DIS3L2: variants seen among roughly 807,000 people sequenced by gnomAD.
DIS3L2 encodes DIS3 like 3'-5' exoribonuclease 2.
Under a neutral mutation model 97.5 loss-of-function variants are expected in DIS3L2, and 34 were observed. That is an observed-to-expected ratio of 0.35 (90% CI 0.27 to 0.46). The LOEUF (loss-of-function observed/expected upper bound fraction) is 0.46. DIS3L2 is among the 20% of genes least tolerant of loss of function. The pLI is 1.00. For missense variants in DIS3L2, 1,038 were observed against 1,146.0 expected, an observed-to-expected ratio of 0.91 and a Z score of 1.36; for synonymous variants, 435 against 445.2, an observed-to-expected ratio of 0.98 and a Z score of 0.29.
chr2:232,240,233 GA>G (rs1693043347), intron 11 of DIS3L2, among the ~76,000 whole-genome samples: 1 of 152,164 alleles, frequency 6.6e-6, no homozygotes, highest in Non-Finnish European at 1.5e-5. Flanking sequence ...TAGAATATTT[GA>G]GCAAAACCCT....
rs570211415 is a variant in DIS3L2 at position 232,170,340 on chromosome 2, A to AGGG, written c.1124+6711_1124+6713dup. Among the ~76,000 whole-genome samples, 1,039 of 152,244 alleles carry AGGG rather than the reference A, an allele frequency of 6.8e-3. 13 individuals carry two copies. The highest frequency in any genetic ancestry group is 0.024 in the African/African-American group (993 of 41,542). ...TGGAAAATGAAAACCTAAATATTGG[A>AGGG]GGGGGAAAATACCACACTAAACCGA... On this transcript the variant is annotated intron_variant, in intron 9 of 20. Transcript: ENST00000325385.
At chr2:231,969,123 C>A (rs1302549341) in intron 1 of DIS3L2, among the ~76,000 whole-genome samples, 3 of 152,170 alleles carry the variant, frequency 2.0e-5, no homozygotes, top group African/African-American at 4.8e-5. Flanking sequence ...AACCCTCTTT[C>A]CTTTATAAAT....
chr2:232,320,402 G>T (rs1227749940), intron 14 of DIS3L2, among the ~76,000 whole-genome samples: 1 of 152,240 alleles, frequency 6.6e-6, no homozygotes, highest in African/African-American at 2.4e-5. Context: ...GAGGCAGGCT[G>T]CCCTTGCAGG....
chr2:232,308,648 G>A (rs562998377), intron 14 of DIS3L2, among the ~76,000 whole-genome samples: 1 of 152,248 alleles, frequency 6.6e-6, no homozygotes, highest in South Asian at 2.1e-4. Flanking sequence ...GCCTTCCAGA[G>A]GATAGGGCAG....
chr2:232,040,151 G>A (rs1391727467), intron 5 of DIS3L2, among the ~76,000 whole-genome samples: 4 of 152,332 alleles, frequency 2.6e-5, no homozygotes, highest in Non-Finnish European at 5.9e-5. Flanking sequence ...TAGAGCTAAG[G>A]TTTAAAGGAT....
chr2:232,055,951 T>C (rs1042028981), intron 5 of DIS3L2, among the ~76,000 whole-genome samples: 2 of 152,182 alleles, frequency 1.3e-5, no homozygotes, highest in Non-Finnish European at 2.9e-5. Flanking sequence ...TTTCATACCA[T>C]GCACAAAAAT....
Position 232,089,638 on chromosome 2 carries a change from G to T in DIS3L2, c.601+1917G>T, listed in dbSNP as rs116690208. Reference sequence around the variant, plus strand: ...AAGCCAGGCAAAGGAACACTTTAAAGCATATTGAGTATTTGGCTTAAAACT... The same window carrying T: ...AAGCCAGGCAAAGGAACACTTTAAATCATATTGAGTATTTGGCTTAAAACT... On this transcript the variant is annotated intron_variant, in intron 6 of 20. Transcript: ENST00000325385. Among the ~76,000 whole-genome samples the T allele has an allele frequency of 4.0e-3, 612 of 152,316 alleles. 8 individuals carry two copies. Among genetic ancestry groups the T allele is most frequent in the African/African-American group, 0.014 (588 of 41,560 alleles).
chr2:232,333,212 TCCTCCTCCGCTGTCG>T (rs1559218609), intron 16 of DIS3L2, among the ~76,000 whole-genome samples: 2 of 15,960 alleles, frequency 1.3e-4, no homozygotes, highest in African/African-American at 5.0e-4. Flanking sequence ...CTCCTCCTCC[TCCTCCTCCGCTGTCG>T]CCTCCTCCTC....
chr2:232,017,678 C>A (rs959619679), intron 3 of DIS3L2, among the ~76,000 whole-genome samples: 1 of 152,280 alleles, frequency 6.6e-6, no homozygotes, highest in Non-Finnish European at 1.5e-5. Flanking sequence ...GTCTTTTCCT[C>A]TAAAAACTGT....
intron 13 of DIS3L2, among the ~76,000 whole-genome samples, chr2:232,299,091 C>G (rs770798954): frequency 6.6e-6 from 1 of 152,208 alleles, no homozygotes; most frequent in African/African-American, 2.4e-5. Flanking sequence ...AATCTTGAAC[C>G]GTCCTTGAGT....
chr2:232,288,135 C>G (rs1386336609), intron 13 of DIS3L2, among the ~76,000 whole-genome samples: 2 of 152,148 alleles, frequency 1.3e-5, no homozygotes, highest in Non-Finnish European at 1.5e-5. Flanking sequence ...TGCCCCAGGT[C>G]CAGAAGGGAC....
In DIS3L2 at chr2:232,204,793, C is replaced by T. The variant is rs572110775; in HGVS notation, c.1125-5533C>T. 7.9e-5 allele frequency among the ~76,000 whole-genome samples: 12 copies of T among 152,282 alleles called. No homozygotes were observed. In the East Asian group the frequency reaches 1.9e-3, roughly 25 times the overall value. ...CTCCATCACCCTCAACCCCACCGCA[C>T]GGGGCTGGGCTCCCAAGTGCTGAGG... On this transcript the variant is annotated intron_variant, in intron 9 of 20. Coordinates refer to ENST00000325385, the MANE Select transcript of DIS3L2 (RefSeq NM_152383.5).
At chr2:232,158,608 G>T (rs183141449) in intron 8 of DIS3L2, among the ~76,000 whole-genome samples, 3 of 152,104 alleles carry the variant, frequency 2.0e-5, no homozygotes, top group Non-Finnish European at 4.4e-5. Context: ...CCCTTTTTCT[G>T]GCTCTCGAAG....
At chr2:232,219,627 T>C (rs148315123) in intron 10 of DIS3L2, among the ~76,000 whole-genome samples, 70 of 152,352 alleles carry the variant, frequency 4.6e-4, no homozygotes, top group African/African-American at 1.5e-3. Context: ...GTTTATCTTA[T>C]GTTCATGCTG....
chr2:232,027,391 A>G (rs1320298143), intron 4 of DIS3L2, among the ~76,000 whole-genome samples: 2 of 152,164 alleles, frequency 1.3e-5, no homozygotes, highest in Admixed American at 1.3e-4. Flanking sequence ...TTAAGCTAGG[A>G]GCATAAAGGC....
intron 13 of DIS3L2, among the ~76,000 whole-genome samples, chr2:232,274,516 T>C (rs909112760): frequency 6.6e-6 from 1 of 152,206 alleles, no homozygotes; most frequent in Admixed American, 6.5e-5. Context: ...AGGCCCAGTT[T>C]ATTTCGGTTT....
chr2:232,256,546 A>G (rs1559177719), intron 12 of DIS3L2, among the ~76,000 whole-genome samples: 2 of 152,176 alleles, frequency 1.3e-5, no homozygotes, highest in Non-Finnish European at 2.9e-5. Context: ...GAATCCTTTT[A>G]TTCGTCACTA....
rs543747613 is a variant in DIS3L2 at position 232,029,456 on chromosome 2, C to CTGAG, written c.265-510_265-507dup. Reference sequence around the variant, plus strand: ...CCACATTATTTAAAGTGGGTTGTTTCTGAGTGAGTGAGTGAGGATGAAAGT... The same window carrying CTGAG: ...CCACATTATTTAAAGTGGGTTGTTTCTGAGTGAGTGAGTGAGTGAGGATGAAAGT... On this transcript the variant is annotated intron_variant, in intron 4 of 20. Coordinates refer to ENST00000325385, the MANE Select transcript of DIS3L2 (RefSeq NM_152383.5). Among the ~76,000 whole-genome samples the CTGAG allele has an allele frequency of 2.1e-3, 321 of 151,998 alleles. 2 individuals carry two copies. Among genetic ancestry groups the CTGAG allele is most frequent in the African/African-American group, 7.3e-3 (301 of 41,452 alleles).
intron 9 of DIS3L2, among the ~76,000 whole-genome samples, chr2:232,193,013 A>G (rs1341505052): frequency 6.6e-6 from 1 of 152,004 alleles, no homozygotes; most frequent in East Asian, 1.9e-4. Context: ...CCTCCTCCTT[A>G]GTGGGATGGC....
Sources: allele counts gnomAD v4.1 joint callset (sites outside exome capture counted in the v4.1 genomes callset), GRCh38; gene constraint gnomAD v4.1.1; transcripts MANE v1.5; gene names NCBI Gene and HGNC (gene_info 2026-07-23, HGNC 2026-07-21).